The following OLFML2B variants were observed in gnomAD, a reference collection of about 807,000 sequenced individuals.
OLFML2B encodes olfactomedin like 2B.
OLFML2B carries 57 observed loss-of-function variants against 74.9 expected under a neutral mutation model. The observed-to-expected ratio is 0.76, with a 90% confidence interval of 0.61 to 0.95. The LOEUF (loss-of-function observed/expected upper bound fraction) is 0.95, where lower values mean the gene tolerates loss of function less well. OLFML2B is among the 40% of genes least tolerant of loss of function. OLFML2B has a pLI of 0.00. For synonymous variants in OLFML2B, 388 were observed against 405.8 expected, an observed-to-expected ratio of 0.96 and a Z score of 0.53; for missense variants, 986 against 970.6, an observed-to-expected ratio of 1.02 and a Z score of -0.21.
At chr1:162,005,212 A>G (rs959567354) in intron 4 of OLFML2B, among the ~76,000 whole-genome samples, 4 of 152,270 alleles carry the variant, frequency 2.6e-5, no homozygotes, top group Non-Finnish European at 4.4e-5. Flanking sequence ...AATTGGAGCC[A>G]AAAGAAACAG....
intron 6 of OLFML2B, among the ~76,000 whole-genome samples, chr1:161,992,535 C>T (rs1049602453): frequency 8.5e-5 from 13 of 152,226 alleles, no homozygotes; most frequent in Admixed American, 2.0e-4. Context: ...ATGCCATCCT[C>T]GCTCAGCTCT....
rs755914330 is a variant in OLFML2B at position 162,006,372 on chromosome 1, T to C, written c.648A>G (p.Glu216=). The C allele has an allele frequency of 3.7e-6, 6 of 1,613,226 alleles. No homozygotes were observed. The highest frequency in any genetic ancestry group is 1.7e-4 in the Middle Eastern group (1 of 6,058). Residue 216 remains glutamate (E), a synonymous_variant, in exon 4 of 8, where the codon GAA becomes GAG. Transcript: ENST00000294794. ...TGTCTGGCATGCTATCTAGGATGTT[T>C]TCAGAGCAATTTTCTTTGCCTCGCT... ...MNKRGKENCS[E]NILDSMPDIR... is the part of the protein sequence containing the mutation.
intron 6 of OLFML2B, among the ~76,000 whole-genome samples, chr1:161,987,997 C>T (rs1571282802): frequency 6.6e-6 from 1 of 152,194 alleles, no homozygotes; most frequent in East Asian, 1.9e-4. Flanking sequence ...GATGCTCCCA[C>T]ACTTGGCAGC....
At chr1:162,002,140 C>A (rs909190904) in intron 4 of OLFML2B, among the ~76,000 whole-genome samples, 2 of 152,256 alleles carry the variant, frequency 1.3e-5, no homozygotes, top group Admixed American at 1.3e-4. Context: ...AACCTGTGAA[C>A]TGACTGTGCT....
At chr1:162,005,583 A>T (rs1690196635) in intron 4 of OLFML2B, among the ~76,000 whole-genome samples, 1 of 152,190 alleles carries the variant, frequency 6.6e-6, no homozygotes, top group Non-Finnish European at 1.5e-5. Flanking sequence ...TTAGAGTAAA[A>T]GAGGGTGCTA....
chr1:162,016,754 C>T (rs1297951656), intron 3 of OLFML2B, among the ~76,000 whole-genome samples: 1 of 152,186 alleles, frequency 6.6e-6, no homozygotes, highest in Non-Finnish European at 1.5e-5. Context: ...ATTACAGTAT[C>T]TGTAACAACT....
intron 3 of OLFML2B, among the ~76,000 whole-genome samples, chr1:162,009,021 AAT>A (rs1244620792): frequency 6.6e-6 from 1 of 152,142 alleles, no homozygotes; most frequent in Non-Finnish European, 1.5e-5. Flanking sequence ...GCAGGGATTC[AAT>A]GTGTTACCTT....
chr1:162,013,837 C>G (rs1690458289), intron 3 of OLFML2B, among the ~76,000 whole-genome samples: 1 of 151,326 alleles, frequency 6.6e-6, no homozygotes, highest in Non-Finnish European at 1.5e-5. Context: ...AACCACAAGA[C>G]ACAAAAACAA....
chr1:161,999,677 C>A (rs900440296), intron 5 of OLFML2B, among the ~76,000 whole-genome samples: 5 of 152,126 alleles, frequency 3.3e-5, no homozygotes, highest in African/African-American at 1.2e-4. Context: ...CGTCTCTCTT[C>A]CATGAAAAAT....
chr1:162,001,693 C>T (rs1159341553), intron 4 of OLFML2B, among the ~76,000 whole-genome samples: 1 of 152,212 alleles, frequency 6.6e-6, no homozygotes, highest in Non-Finnish European at 1.5e-5. Context: ...CTCTCCTAGC[C>T]TGCTTTCCAC....
chr1:162,005,539 T>G (rs2499832), intron 4 of OLFML2B, among the ~76,000 whole-genome samples: 143,997 of 152,276 alleles, frequency 0.95, 68,156 homozygotes, highest in East Asian at 1. Context: ...TGAGGAGGGA[T>G]GGAATATAAT....
Position 162,022,686 on chromosome 1 carries a change from C to T in OLFML2B, c.174+571G>A, listed in dbSNP as rs75555151. Among the ~76,000 whole-genome samples the T allele has an allele frequency of 4.7e-3, 711 of 152,274 alleles. 8 individuals are homozygous for T. The highest frequency in any genetic ancestry group is 0.016 in the African/African-American group (674 of 41,564). On this transcript the variant is annotated intron_variant, in intron 1 of 7. Transcript: ENST00000294794. ...ATCACTATCATGGGTTACTCGGGCC[C>T]CCACTGACAGTCTGCCCTAGCTGCC...
In OLFML2B at chr1:162,019,019, GC is replaced by G. The variant is rs1203990211; in HGVS notation, c.438+899del. On this transcript the variant is annotated intron_variant, in intron 2 of 7. Transcript: ENST00000294794. ...ACTTGGTTCAGAAAGTTGTTCCATG[GC>G]AGAGCTGCGGCTCTGGCCAAATCCT... Among the ~76,000 whole-genome samples, 8 of 152,286 alleles carry G rather than the reference GC, an allele frequency of 5.3e-5. 1 individual carries two copies. The Middle Eastern group carries it at 0.01, about 194-fold the overall frequency.
chr1:161,999,999 T>G, intron 5 of OLFML2B, 114 bp downstream of exon 5: 1 of 774,898 alleles, frequency 1.3e-6, no homozygotes, highest in Non-Finnish European at 2.1e-6. Context: ...CAGCAGTAAT[T>G]GGAATGCTGT....
Position 162,000,239 on chromosome 1 carries a change from A to G in OLFML2B, c.823T>C (p.Ser275Pro). 6.2e-7 allele frequency: 1 copy of G among 1,613,828 alleles called. No individual in the cohort carries two copies. Among genetic ancestry groups the G allele is most frequent in the Non-Finnish European group, 8.5e-7 (1 of 1,180,020 alleles). The stretch of plus-strand genomic sequence containing the variant: ...ACCTGCCTCTGCAGGGGCCGCTGTG[A>G]CTTCACCACCTCAGGCAGAGCCAGG... ...RPLALPEVVK[S>P]QRPLQRQVHL... is the part of the protein sequence containing the mutation. Residue 275 changes from serine (S) to proline (P), a missense_variant, in exon 5 of 8, where the codon TCA becomes CCA. Physicochemically the swap from Ser to Pro is moderately conservative, Grantham distance 74 (BLOSUM62 -1). Coordinates refer to ENST00000294794, the MANE Select transcript of OLFML2B (RefSeq NM_015441.3).
chr1:162,012,062 G>C (rs1161123067), intron 3 of OLFML2B, among the ~76,000 whole-genome samples: 2 of 152,138 alleles, frequency 1.3e-5, no homozygotes, highest in Non-Finnish European at 2.9e-5. Context: ...ATATATTTTA[G>C]AAACACTAAC....
chr1:162,013,724 C>T (rs561374883), intron 3 of OLFML2B, among the ~76,000 whole-genome samples: 77 of 152,134 alleles, frequency 5.1e-4, no homozygotes, highest in Non-Finnish European at 8.2e-4. Flanking sequence ...TTCTGATTTA[C>T]GCATTCAGAA....
At chr1:162,015,605 CAG>C (rs1171703534) in intron 3 of OLFML2B, among the ~76,000 whole-genome samples, 3 of 152,206 alleles carry the variant, frequency 2.0e-5, no homozygotes, top group Non-Finnish European at 4.4e-5. Flanking sequence ...CCTAGGAAAA[CAG>C]AGGCACTTCC....
intron 5 of OLFML2B, 149 bp downstream of exon 5, chr1:161,999,964 G>A: frequency 1.5e-6 from 1 of 653,614 alleles, no homozygotes; most frequent in South Asian, 2.1e-5. Context: ...AGGAAATGCA[G>A]TGAGAGCTCT....
Sources: allele counts gnomAD v4.1 joint callset (sites outside exome capture counted in the v4.1 genomes callset), GRCh38; gene constraint gnomAD v4.1.1; transcripts MANE v1.5; gene names NCBI Gene and HGNC (gene_info 2026-07-23, HGNC 2026-07-21).